Variants in ABCC9 observed in about 807,000 individuals in gnomAD.
ABCC9 encodes ATP binding cassette subfamily C member 9.
ABCC9 carries 95 observed loss-of-function variants against 188.3 expected under a neutral mutation model. That is an observed-to-expected ratio of 0.50 (90% CI 0.43 to 0.60). The LOEUF (loss-of-function observed/expected upper bound fraction) is 0.60. Among genes scored for constraint, ABCC9 ranks in the 20% least tolerant of loss-of-function variants. The pLI is 0.00. For synonymous variants in ABCC9, 659 were observed against 652.7 expected (o/e 1.01, Z -0.15); for missense variants, 1,102 against 1,876.3 (o/e 0.59, Z 7.62).
chr12:21,877,204 T>A (rs962091540), intron 16 of ABCC9, among the ~76,000 whole-genome samples: 5 of 152,032 alleles, frequency 3.3e-5, no homozygotes, highest in Non-Finnish European at 7.4e-5. Context: ...TGGAAAGAAG[T>A]GAGTACAAGA....
chr12:21,842,242 G>T, intron 29 of ABCC9, 72 bp downstream of exon 29: 1 of 1,531,648 alleles, frequency 6.5e-7, no homozygotes, highest in Non-Finnish European at 8.9e-7. Context: ...TCTGTTGTTG[G>T]CAGAACCCAT....
intron 39 of ABCC9, among the ~76,000 whole-genome samples, chr12:21,803,480 A>C (rs1347977056): frequency 1.3e-5 from 2 of 151,726 alleles, no homozygotes; most frequent in Non-Finnish European, 2.9e-5. Context: ...AAATGAAGAA[A>C]CCCCATCTCT....
intron 33 of ABCC9, among the ~76,000 whole-genome samples, chr12:21,816,325 A>G (rs2137180721): frequency 6.6e-6 from 1 of 152,190 alleles, no homozygotes; most frequent in African/African-American, 2.4e-5. Flanking sequence ...TATGGAGACG[A>G]AAGACACAGC....
chr12:21,878,275 A>T (rs537560980), intron 16 of ABCC9, among the ~76,000 whole-genome samples: 1 of 152,254 alleles, frequency 6.6e-6, no homozygotes, highest in African/African-American at 2.4e-5. Context: ...TCTGATTTAG[A>T]GTTATGGCTA....
At chr12:21,915,261 GTATATAA>G (rs1565480419) in intron 7 of ABCC9, among the ~76,000 whole-genome samples, 4 of 105,322 alleles carry the variant, frequency 3.8e-5, no homozygotes, top group East Asian at 3.1e-4. Context: ...GTGTGTGTGT[GTATATAA>G]TGTGTATATA....
At chr12:21,850,962 T>G (rs1016562625) in intron 24 of ABCC9, among the ~76,000 whole-genome samples, 14 of 152,102 alleles carry the variant, frequency 9.2e-5, no homozygotes, top group Non-Finnish European at 1.9e-4. Flanking sequence ...CATATATCTT[T>G]TCTTCTTTGT....
intron 18 of ABCC9, among the ~76,000 whole-genome samples, chr12:21,870,037 A>G (rs1468979660): frequency 6.6e-6 from 1 of 152,060 alleles, no homozygotes; most frequent in Non-Finnish European, 1.5e-5. Context: ...TGTTGTTCTG[A>G]TACTACCCAT....
At chr12:21,839,363 G>A (rs12369421) in intron 29 of ABCC9, among the ~76,000 whole-genome samples, 7,825 of 152,192 alleles carry the variant, frequency 0.051, 328 homozygotes, top group South Asian at 0.11. Context: ...GGTGGTCAGG[G>A]GCACAGAAAG....
At chr12:21,840,163 T>C (rs1592038935) in intron 29 of ABCC9, among the ~76,000 whole-genome samples, 1 of 152,216 alleles carries the variant, frequency 6.6e-6, no homozygotes, top group Non-Finnish European at 1.5e-5. Context: ...TGATCCATGA[T>C]TTTAAATATT....
chr12:21,913,549 A>C (rs1220264746), intron 7 of ABCC9, among the ~76,000 whole-genome samples: 2 of 152,212 alleles, frequency 1.3e-5, no homozygotes, highest in Non-Finnish European at 2.9e-5. Context: ...CCAGCTAAAC[A>C]AAACAGATTA....
At chr12:21,914,828 A>G (rs1948467851) in intron 7 of ABCC9, among the ~76,000 whole-genome samples, 1 of 151,942 alleles carries the variant, frequency 6.6e-6, no homozygotes, top group South Asian at 2.1e-4. Context: ...TACATGATTC[A>G]AAAGTACAGA....
chr12:21,934,861 G>C (rs1234293369), intron 3 of ABCC9, among the ~76,000 whole-genome samples: 1 of 151,984 alleles, frequency 6.6e-6, no homozygotes, highest in Non-Finnish European at 1.5e-5. Context: ...TCATGTCTTA[G>C]TTGTTTTCAA....
chr12:21,933,980 A>G (rs1372063625), intron 3 of ABCC9, 57 bp from the exon 4 acceptor site: 1 of 1,595,754 alleles, frequency 6.3e-7, no homozygotes, highest in Non-Finnish European at 8.6e-7. Context: ...CTCAATTGTA[A>G]TAAACATAAT....
chr12:21,868,734 T>C (rs1044374073), intron 18 of ABCC9, among the ~76,000 whole-genome samples: 4 of 152,222 alleles, frequency 2.6e-5, no homozygotes, highest in Non-Finnish European at 4.4e-5. Flanking sequence ...TCATTTAGTT[T>C]ATTGTTTTGG....
At chr12:21,844,996 A>G (rs1944572198) in intron 26 of ABCC9, 81 bp from the exon 27 acceptor site, 3 of 1,514,786 alleles carry the variant, frequency 2.0e-6, no homozygotes, top group South Asian at 1.2e-5. Flanking sequence ...TGTCAATGTC[A>G]GACAAGATTG....
chr12:21,802,289 T>C (rs1408490195), intron 39 of ABCC9, among the ~76,000 whole-genome samples: 1 of 152,164 alleles, frequency 6.6e-6, no homozygotes, highest in Non-Finnish European at 1.5e-5. Flanking sequence ...AAACAAATAA[T>C]AAATGTCAAC....
intron 14 of ABCC9, among the ~76,000 whole-genome samples, chr12:21,891,041 A>C (rs1237476023): frequency 6.6e-6 from 1 of 152,076 alleles, no homozygotes; most frequent in Non-Finnish European, 1.5e-5. Flanking sequence ...AACTTCAAGG[A>C]TGGCCATTAT....
At chr12:21,936,194 A>G (rs1949480363) in intron 3 of ABCC9, among the ~76,000 whole-genome samples, 1 of 152,102 alleles carries the variant, frequency 6.6e-6, no homozygotes, top group Non-Finnish European at 1.5e-5. Flanking sequence ...CCCTGAAGGC[A>G]AGTACTCTTT....
chr12:21,841,402 A>T (rs1159820465), intron 29 of ABCC9, among the ~76,000 whole-genome samples: 6 of 124,688 alleles, frequency 4.8e-5, no homozygotes, highest in Admixed American at 3.0e-4. Context: ...TCTGTCACCC[A>T]GGCTAGAGTG....
Sources: gnomAD v4.1 joint callset for allele counts (sites outside exome capture counted in the v4.1 genomes callset) on GRCh38, gnomAD v4.1.1 for gene constraint, MANE v1.5 for transcripts, NCBI Gene and HGNC (gene_info 2026-07-23, HGNC 2026-07-21) for gene names.